The following ST7 variants were observed in gnomAD, a reference collection of about 807,000 sequenced individuals.
ST7 encodes suppression of tumorigenicity 7.
A neutral mutation model predicts 78.7 loss-of-function variants in ST7; 28 were observed. That is an observed-to-expected ratio of 0.36 (90% CI 0.26 to 0.49). The LOEUF is 0.49. Among genes scored for constraint, ST7 ranks in the 20% least tolerant of loss-of-function variants. ST7 has a pLI of 0.99. For synonymous variants in ST7, 247 were observed against 249.6 expected, an observed-to-expected ratio of 0.99 and a Z score of 0.10; for missense variants, 418 against 696.0, an observed-to-expected ratio of 0.60 and a Z score of 4.49.
chr7:117,116,215 G>T (rs1361067405), intron 2 of ST7, among the ~76,000 whole-genome samples: 4 of 152,180 alleles, frequency 2.6e-5, no homozygotes, highest in Non-Finnish European at 5.9e-5. Flanking sequence ...AAGTTTTTAA[G>T]ACTATGAAAT....
chr7:117,183,872 G>C (rs919459622), intron 10 of ST7, among the ~76,000 whole-genome samples: 2 of 152,190 alleles, frequency 1.3e-5, no homozygotes, highest in Non-Finnish European at 2.9e-5. Flanking sequence ...CAAGAGGATA[G>C]ATAAACATGT....
intron 13 of ST7, 104 bp from the exon 14 acceptor site, chr7:117,218,980 T>C: frequency 1.2e-6 from 1 of 841,462 alleles, no homozygotes; most frequent in Non-Finnish European, 1.9e-6. Flanking sequence ...GCCTCCTTTG[T>C]AGAAGTGTTC....
intron 12 of ST7, among the ~76,000 whole-genome samples, chr7:117,202,694 C>G (rs1810989948): frequency 6.6e-6 from 1 of 152,110 alleles, no homozygotes; most frequent in South Asian, 2.1e-4. Flanking sequence ...CATGACTCAC[C>G]CATTTCTCTC....
At chr7:117,135,768 A>G (rs1024387033) in intron 7 of ST7, among the ~76,000 whole-genome samples, 1 of 152,094 alleles carries the variant, frequency 6.6e-6, no homozygotes, top group South Asian at 2.1e-4. Flanking sequence ...CAACACTGTG[A>G]ACAAAGATTC....
intron 12 of ST7, chr7:117,191,711 C>T (rs910810544): frequency 6.6e-6 from 1 of 152,236 alleles, no homozygotes; most frequent in East Asian, 1.9e-4. Flanking sequence ...CTTTCAGTCC[C>T]GCTATTAAGT....
At chr7:117,152,913 G>A (rs1806402411) in intron 9 of ST7, among the ~76,000 whole-genome samples, 2 of 152,140 alleles carry the variant, frequency 1.3e-5, no homozygotes, top group African/African-American at 2.4e-5. Flanking sequence ...CTCCTGTCTT[G>A]TATAGTTTCC....
At chr7:117,014,414 A>C (rs1795514267) in intron 1 of ST7, among the ~76,000 whole-genome samples, 1 of 152,222 alleles carries the variant, frequency 6.6e-6, no homozygotes, top group Non-Finnish European at 1.5e-5. Context: ...TAGGACTTGG[A>C]TAAATGAGTT....
chr7:117,212,237 A>G (rs1792355999), intron 13 of ST7, among the ~76,000 whole-genome samples: 1 of 152,204 alleles, frequency 6.6e-6, no homozygotes, highest in African/African-American at 2.4e-5. Flanking sequence ...CTTCCTGATA[A>G]TATTCTGAGT....
chr7:116,964,494 G>T (rs372052004), intron 1 of ST7, among the ~76,000 whole-genome samples: 1 of 152,158 alleles, frequency 6.6e-6, no homozygotes. Flanking sequence ...GATCTAGTTT[G>T]TACTTTTCCC....
intron 15 of ST7, among the ~76,000 whole-genome samples, chr7:117,224,303 TC>T (rs1174263512): frequency 6.6e-6 from 1 of 152,170 alleles, no homozygotes; most frequent in Non-Finnish European, 1.5e-5. Context: ...TGCTTTTTCC[TC>T]CAGGTAGAAT....
chr7:117,035,986 A>G (rs905719154), intron 1 of ST7, among the ~76,000 whole-genome samples: 6 of 152,188 alleles, frequency 3.9e-5, no homozygotes, highest in African/African-American at 1.4e-4. Context: ...CTTTATTACT[A>G]TTTCACAACT....
chr7:116,985,311 T>A (rs1418977608), intron 1 of ST7, among the ~76,000 whole-genome samples: 8 of 152,246 alleles, frequency 5.3e-5, no homozygotes, highest in Admixed American at 5.2e-4. Context: ...TTTTGAAATG[T>A]GTGCGAAATT....
chr7:117,180,055 T>C (rs1808633273), intron 10 of ST7, among the ~76,000 whole-genome samples: 1 of 152,242 alleles, frequency 6.6e-6, no homozygotes, highest in African/African-American at 2.4e-5. Context: ...GGAATCCTAG[T>C]GCAGAAACTT....
chr7:116,966,739 G>A (rs1185520667), intron 1 of ST7, among the ~76,000 whole-genome samples: 1 of 152,164 alleles, frequency 6.6e-6, no homozygotes, highest in Non-Finnish European at 1.5e-5. Context: ...TTTAAGCAAA[G>A]CATCCCCTCT....
At chr7:117,043,860 A>C (rs1223635520) in intron 1 of ST7, among the ~76,000 whole-genome samples, 2 of 152,230 alleles carry the variant, frequency 1.3e-5, no homozygotes, top group African/African-American at 4.8e-5. Flanking sequence ...ATTCCAGTTG[A>C]GTATTAATGC....
chr7:116,991,970 A>G (rs974570529), intron 1 of ST7, among the ~76,000 whole-genome samples: 16 of 152,184 alleles, frequency 1.1e-4, no homozygotes, highest in Non-Finnish European at 2.4e-4. Flanking sequence ...AAGCTCCAAA[A>G]TGATCTCCTT....
intron 1 of ST7, among the ~76,000 whole-genome samples, chr7:117,046,168 T>G (rs767669438): frequency 1.6e-4 from 25 of 152,168 alleles, no homozygotes; most frequent in Non-Finnish European, 2.8e-4. Context: ...GTGGTGTTTT[T>G]TTTTGACTGT....
intron 15 of ST7, chr7:117,223,431 G>A (rs185300116): frequency 2.2e-4 from 40 of 177,810 alleles, no homozygotes; most frequent in Non-Finnish European, 3.4e-4. Context: ...GTTCAGCATG[G>A]CATCCAAGAC....
chr7:117,187,876 T>G (rs934388983), intron 10 of ST7: 1 of 152,182 alleles, frequency 6.6e-6, no homozygotes, highest in Non-Finnish European at 1.5e-5. Flanking sequence ...CGTTCCTGTA[T>G]TGATTCCCCA....
Sources: allele counts gnomAD v4.1 joint callset (sites outside exome capture counted in the v4.1 genomes callset), GRCh38; gene constraint gnomAD v4.1.1; transcripts MANE v1.5; gene names NCBI Gene and HGNC (gene_info 2026-07-23, HGNC 2026-07-21).